Variants in PHACTR1 observed in about 807,000 individuals in gnomAD.
PHACTR1 encodes the protein phosphatase and actin regulator 1.
Under a neutral mutation model 69.2 loss-of-function variants are expected in PHACTR1, and 16 were observed. The observed-to-expected ratio is 0.23, with a 90% CI of 0.16 to 0.35. The LOEUF (loss-of-function observed/expected upper bound fraction) is 0.35, where lower values mean the gene tolerates loss of function less well. Ranked by LOEUF, PHACTR1 falls within the 10% of genes least tolerant of loss-of-function variation. PHACTR1 has a pLI of 1.00. For synonymous variants in PHACTR1, 312 were observed against 284.5 expected, an observed-to-expected ratio of 1.10 and a Z score of -0.97; for missense variants, 510 against 734.7, an observed-to-expected ratio of 0.69 and a Z score of 3.54.
At chr6:12,896,820 CCTT>C (rs1296391946) in intron 4 of PHACTR1, among the ~76,000 whole-genome samples, 2 of 152,062 alleles carry the variant, frequency 1.3e-5, no homozygotes, top group East Asian at 3.9e-4. Flanking sequence ...TTTTAAGTGT[CCTT>C]CTTGTATTTT....
intron 4 of PHACTR1, among the ~76,000 whole-genome samples, chr6:12,899,673 C>A (rs2127480027): frequency 6.6e-6 from 1 of 152,342 alleles, no homozygotes; most frequent in Middle Eastern, 3.4e-3. Context: ...TGAAAAGACT[C>A]CCAAAGGACA....
At chr6:12,766,754 AT>A (rs976238849) in intron 4 of PHACTR1, among the ~76,000 whole-genome samples, 4 of 152,126 alleles carry the variant, frequency 2.6e-5, no homozygotes, top group African/African-American at 9.7e-5. Context: ...GGCATGTTTT[AT>A]TTGCTGCTAA....
chr6:12,875,902 C>T (rs1321159568), intron 4 of PHACTR1, among the ~76,000 whole-genome samples: 4 of 152,104 alleles, frequency 2.6e-5, no homozygotes, highest in Non-Finnish European at 5.9e-5. Context: ...GGACCAGGGG[C>T]GCTGCGTGGA....
At chr6:12,771,033 C>T (rs1443253012) in intron 4 of PHACTR1, among the ~76,000 whole-genome samples, 3 of 152,134 alleles carry the variant, frequency 2.0e-5, no homozygotes, top group African/African-American at 7.2e-5. Flanking sequence ...AAGGATGAGA[C>T]TGGAGAGGGA....
chr6:12,947,207 C>T (rs1020720724), intron 4 of PHACTR1, among the ~76,000 whole-genome samples: 2 of 152,178 alleles, frequency 1.3e-5, no homozygotes, highest in South Asian at 4.1e-4. Flanking sequence ...TAAATTACCA[C>T]GTGGCAAGCC....
At chr6:12,970,108 G>C (rs1027585922) in intron 4 of PHACTR1, among the ~76,000 whole-genome samples, 1 of 152,198 alleles carries the variant, frequency 6.6e-6, no homozygotes, top group Non-Finnish European at 1.5e-5. Context: ...GATCTTCTTG[G>C]ATGAGTCACC....
intron 11 of PHACTR1, chr6:13,274,722 A>G (rs1217346974): frequency 2.0e-5 from 3 of 151,534 alleles, no homozygotes; most frequent in Non-Finnish European, 2.9e-5. Flanking sequence ...GGGAGACTAC[A>G]GGTCCTTTGA....
At chr6:12,824,162 C>T (rs1007660718) in intron 4 of PHACTR1, among the ~76,000 whole-genome samples, 1 of 152,148 alleles carries the variant, frequency 6.6e-6, no homozygotes, top group African/African-American at 2.4e-5. Context: ...AGAATCCTAT[C>T]GTGGAAGGCA....
At chr6:12,888,898 G>C (rs564605508) in intron 4 of PHACTR1, among the ~76,000 whole-genome samples, 1 of 152,288 alleles carries the variant, frequency 6.6e-6, no homozygotes, top group Non-Finnish European at 1.5e-5. Context: ...ATGCTTCTTG[G>C]AATTTTCTTC....
intron 5 of PHACTR1, among the ~76,000 whole-genome samples, chr6:13,062,857 G>A (rs1421831210): frequency 5.3e-5 from 8 of 152,214 alleles, no homozygotes. Flanking sequence ...TGTCCACCAT[G>A]AAGACTCTAT....
chr6:12,776,734 T>G (rs1770110098), intron 4 of PHACTR1, among the ~76,000 whole-genome samples: 1 of 152,226 alleles, frequency 6.6e-6, no homozygotes, highest in Non-Finnish European at 1.5e-5. Flanking sequence ...AACTTAAGAA[T>G]ATAAGAAACC....
At chr6:13,164,019 G>T (rs1272343266) in intron 6 of PHACTR1, among the ~76,000 whole-genome samples, 1 of 152,004 alleles carries the variant, frequency 6.6e-6, no homozygotes, top group Admixed American at 6.6e-5. Flanking sequence ...GAATTCAGAA[G>T]AGTGGACATC....
chr6:13,160,214 G>A lies in PHACTR1; in HGVS notation c.426G>A (p.Arg142=). Reference sequence around the variant, plus strand: ...GTCTTTTGTTTGTAGCCCTGGAAAGGAAAATATCTATGAGGCAAAGCAGAG... The same window carrying A: ...GTCTTTTGTTTGTAGCCCTGGAAAGAAAAATATCTATGAGGCAAAGCAGAG... ...KFKHTSAALE[R]KISMRQSREE... is the part of the protein sequence containing the mutation. The change falls in exon 6 of 15, where the codon AGG becomes AGA. Residue 142 remains arginine (R), a synonymous_variant. Coordinates refer to ENST00000332995, the MANE Select transcript of PHACTR1 (RefSeq NM_030948.6). The A allele has an allele frequency of 6.2e-7, 1 of 1,613,658 alleles. No homozygotes were observed. The highest frequency in any genetic ancestry group is 8.5e-7 in the Non-Finnish European group (1 of 1,179,664).
intron 4 of PHACTR1, among the ~76,000 whole-genome samples, chr6:12,910,138 C>G (rs1213490045): frequency 5.3e-5 from 8 of 152,034 alleles, no homozygotes; most frequent in Admixed American, 5.2e-4. Flanking sequence ...CACTTGGGGC[C>G]CCAGACCAGC....
chr6:13,199,519 G>A (rs1006191304), intron 7 of PHACTR1, among the ~76,000 whole-genome samples: 1 of 151,760 alleles, frequency 6.6e-6, no homozygotes, highest in Non-Finnish European at 1.5e-5. Flanking sequence ...ACAGAAATGG[G>A]TACTAGATAT....
chr6:13,255,854 T>C (rs1466818427), intron 10 of PHACTR1, among the ~76,000 whole-genome samples: 1 of 152,186 alleles, frequency 6.6e-6, no homozygotes, highest in Non-Finnish European at 1.5e-5. Context: ...CTGTGGCTTT[T>C]CTCGGTACAG....
At chr6:12,796,630 C>A (rs1055659210) in intron 4 of PHACTR1, among the ~76,000 whole-genome samples, 1 of 152,126 alleles carries the variant, frequency 6.6e-6, no homozygotes, top group African/African-American at 2.4e-5. Flanking sequence ...TCTGCAGACA[C>A]TTAAGGAGAG....
chr6:12,842,424 G>A (rs2127743945), intron 4 of PHACTR1, among the ~76,000 whole-genome samples: 1 of 152,268 alleles, frequency 6.6e-6, no homozygotes, highest in East Asian at 1.9e-4. Context: ...TGCCCAATGG[G>A]TCAATGTCAT....
At chr6:13,103,126 G>A (rs1416579767) in intron 5 of PHACTR1, among the ~76,000 whole-genome samples, 1 of 152,120 alleles carries the variant, frequency 6.6e-6, no homozygotes, top group Non-Finnish European at 1.5e-5. Flanking sequence ...AAGGTTTGTC[G>A]CAAATGTGGC....
Sources: allele counts gnomAD v4.1 joint callset (sites outside exome capture counted in the v4.1 genomes callset), GRCh38; gene constraint gnomAD v4.1.1; transcripts MANE v1.5; gene names NCBI Gene and HGNC (gene_info 2026-07-23, HGNC 2026-07-21).